Variants in AIG1 observed in about 807,000 individuals in gnomAD.
AIG1 encodes androgen induced 1.
In AIG1, 23 loss-of-function variants were observed where a neutral mutation model predicts 31.4. The ratio of observed to expected loss-of-function variants is 0.73; its 90% CI spans 0.53 to 1.04. The LOEUF is 1.04. Ranked by LOEUF, AIG1 falls within the 50% of genes least tolerant of loss-of-function variation. The pLI, the probability that AIG1 is intolerant of heterozygous loss-of-function variation, is 0.00. For missense variants in AIG1, 274 were observed against 295.0 expected (o/e 0.93, Z 0.52); for synonymous variants, 100 against 110.5 (o/e 0.90, Z 0.60).
intron 4 of AIG1, among the ~76,000 whole-genome samples, chr6:143,296,374 C>A (rs1798428980): frequency 6.6e-6 from 1 of 152,084 alleles, no homozygotes; most frequent in Non-Finnish European, 1.5e-5. Context: ...AAAATCATAA[C>A]CTCTTCATTT....
At chr6:143,141,176 C>G (rs1364497570) in intron 2 of AIG1, among the ~76,000 whole-genome samples, 3 of 152,186 alleles carry the variant, frequency 2.0e-5, no homozygotes, top group African/African-American at 7.2e-5. Flanking sequence ...ACAAGTTTTC[C>G]TGAAGAGACC....
At position 143,284,229 on chromosome 6, in the gene AIG1, A is replaced by C; in HGVS notation, c.515+4A>C. 1 of 1,598,662 alleles carries C rather than the reference A, an allele frequency of 6.3e-7. No homozygotes were observed. Among genetic ancestry groups the C allele is most frequent in the Non-Finnish European group, 8.6e-7 (1 of 1,166,746 alleles). ...TCTCTGTTGGCTATATATTATGGTA[A>C]GGACCATGCCTGCTGGGCTTTCTTA... On this transcript the variant is annotated splice_donor_region_variant and intron_variant, in intron 4 of 5. Coordinates refer to ENST00000357847, the MANE Select transcript of AIG1 (RefSeq NM_016108.4). The surrounding 1 kb of genome is among the most constrained non-coding windows in gnomAD (Gnocchi z 4.4).
chr6:143,174,623 A>C (rs1407631836), intron 3 of AIG1, among the ~76,000 whole-genome samples: 1 of 152,154 alleles, frequency 6.6e-6, no homozygotes, highest in Non-Finnish European at 1.5e-5. Flanking sequence ...TGAAGACACC[A>C]GATACTTGGT....
At chr6:143,188,702 AAGGAGACTGT>A in intron 3 of AIG1, 4 of 984,988 alleles carry the variant, frequency 4.1e-6, no homozygotes, top group Non-Finnish European at 4.8e-6. Context: ...AGAGCTCTCT[AAGGAGACTGT>A]AGAAGACTTG....
downstream of AIG1, chr6:143,342,773 T>G (rs1777882512): frequency 1.2e-6 from 1 of 810,768 alleles, no homozygotes; most frequent in Admixed American, 1.7e-5. Flanking sequence ...GCTGCAAACG[T>G]CCTTGTATTC....
intron 4 of AIG1, among the ~76,000 whole-genome samples, chr6:143,305,039 G>C (rs914924933): frequency 6.6e-6 from 1 of 152,128 alleles, no homozygotes; most frequent in Non-Finnish European, 1.5e-5. Flanking sequence ...ATTCTCTGAT[G>C]GTAGTTTGTG....
At chr6:143,067,861 A>T (rs1435521138) in intron 1 of AIG1, among the ~76,000 whole-genome samples, 1 of 151,992 alleles carries the variant, frequency 6.6e-6, no homozygotes, top group Non-Finnish European at 1.5e-5. Context: ...TAAAATTGCA[A>T]TTTTTTTCTT....
chr6:143,247,389 C>T (rs1794694526), intron 3 of AIG1, among the ~76,000 whole-genome samples: 2 of 152,236 alleles, frequency 1.3e-5, no homozygotes, highest in Non-Finnish European at 2.9e-5. Context: ...CTCAGCCTCC[C>T]AAAGTGTATC....
chr6:143,163,113 G>A (rs973819576), intron 2 of AIG1, among the ~76,000 whole-genome samples: 7 of 152,142 alleles, frequency 4.6e-5, no homozygotes, highest in African/African-American at 1.7e-4. Flanking sequence ...GAGTGCTGCC[G>A]ACCCACTTTG....
At chr6:143,131,857 G>A (rs1583276920) in intron 1 of AIG1, among the ~76,000 whole-genome samples, 1 of 152,314 alleles carries the variant, frequency 6.6e-6, no homozygotes, top group East Asian at 1.9e-4. Context: ...TATATTGGTG[G>A]TGTTTTAGCT....
Position 143,298,628 on chromosome 6 carries a change from A to G in AIG1, c.515+14403A>G, listed in dbSNP as rs1339172401. 6.6e-6 allele frequency: 1 copy of G among 152,268 alleles called. No homozygotes were observed. The highest frequency in any genetic ancestry group is 2.4e-5 in the African/African-American group (1 of 41,436). The allele number at this position is 152,268 out of a possible 1,614,324, so 9.4% of individuals were successfully genotyped here. ...GAGTTCAAAACCCAGCCTGGACAACATAGCAAGCTAATAGTCCCAGCTAAT... is the reference window on the plus strand; with the variant it reads ...GAGTTCAAAACCCAGCCTGGACAACGTAGCAAGCTAATAGTCCCAGCTAAT... On this transcript the variant is annotated intron_variant, in intron 4 of 5. Transcript: ENST00000357847. The surrounding 1 kb of genome is among the most constrained non-coding windows in gnomAD (Gnocchi z 5.1).
At chr6:143,173,635 T>C (rs1195212345) in intron 3 of AIG1, among the ~76,000 whole-genome samples, 1 of 152,242 alleles carries the variant, frequency 6.6e-6, no homozygotes, top group Non-Finnish European at 1.5e-5. Flanking sequence ...CTTGATTTCA[T>C]TGTTGAGCCA....
chr6:143,310,471 A>G (rs1775176015), intron 4 of AIG1, among the ~76,000 whole-genome samples: 3 of 151,832 alleles, frequency 2.0e-5, no homozygotes, highest in Admixed American at 2.0e-4. Context: ...TAACTCACCA[A>G]AATTTTTGAG....
At chr6:143,158,623 T>G (rs530322204) in intron 2 of AIG1, among the ~76,000 whole-genome samples, 19 of 152,264 alleles carry the variant, frequency 1.2e-4, no homozygotes, top group Admixed American at 2.0e-4. Flanking sequence ...AGAGGATTAT[T>G]ATAGGATGAT....
intron 1 of AIG1, among the ~76,000 whole-genome samples, chr6:143,086,587 C>G (rs879329885): frequency 6.6e-6 from 1 of 152,068 alleles, no homozygotes; most frequent in African/African-American, 2.4e-5. Context: ...GGGAGGGACA[C>G]GAGGGACAAG....
chr6:143,312,074 G>C (rs528808062), intron 4 of AIG1, among the ~76,000 whole-genome samples: 2 of 151,956 alleles, frequency 1.3e-5, no homozygotes, highest in East Asian at 3.9e-4. Flanking sequence ...CACAAAAAGC[G>C]GAAGGATATT....
chr6:143,327,598 C>A lies in AIG1; in HGVS notation c.516-5684C>A. ...CAAATAAGCTCTATACTTCAGTTAC[C>A]TATGTACCTGTTACCACTTTCAAAA... On this transcript the variant is annotated intron_variant, in intron 4 of 5. Transcript: ENST00000357847. The surrounding 1 kb of genome is among the most constrained non-coding windows in gnomAD (Gnocchi z 5.3). 1 of 346,872 alleles carries A rather than the reference C, an allele frequency of 2.9e-6. No individual in the cohort carries two copies. Among genetic ancestry groups the A allele is most frequent in the Non-Finnish European group, 5.4e-6 (1 of 184,048 alleles). The allele number at this position is 346,872 out of a possible 1,614,324, so 21.5% of individuals were successfully genotyped here.
intron 3 of AIG1, among the ~76,000 whole-genome samples, chr6:143,172,669 A>G (rs1203614858): frequency 6.6e-6 from 1 of 152,206 alleles, no homozygotes; most frequent in Non-Finnish European, 1.5e-5. Flanking sequence ...AATGGCTGAT[A>G]GAATTTAGCT....
chr6:143,151,864 C>T (rs1785264526), intron 2 of AIG1, among the ~76,000 whole-genome samples: 1 of 152,158 alleles, frequency 6.6e-6, no homozygotes, highest in African/African-American at 2.4e-5. Flanking sequence ...GGCTAGTAGT[C>T]AAATTACTAT....
Sources: allele counts gnomAD v4.1 joint callset (sites outside exome capture counted in the v4.1 genomes callset), GRCh38; gene constraint gnomAD v4.1.1; non-coding constraint Gnocchi (gnomAD v3.1); transcripts MANE v1.5; gene names NCBI Gene and HGNC (gene_info 2026-07-23, HGNC 2026-07-21).